GPC5: variants seen among roughly 807,000 people sequenced by gnomAD.
The protein encoded by GPC5 is glypican 5.
In GPC5, 47 loss-of-function variants were observed where a neutral mutation model predicts 53.9. The ratio of observed to expected loss-of-function variants is 0.87; its 90% CI spans 0.69 to 1.11. The LOEUF (loss-of-function observed/expected upper bound fraction) is 1.11, where lower values mean the gene tolerates loss of function less well. GPC5 is among the 50% of genes most tolerant of loss of function. The pLI is 0.00. For missense variants in GPC5, 748 were observed against 713.1 expected (o/e 1.05, Z -0.56); for synonymous variants, 286 against 263.3 (o/e 1.09, Z -0.84).
intron 2 of GPC5, among the ~76,000 whole-genome samples, chr13:91,604,208 T>G (rs2033278426): frequency 6.9e-6 from 1 of 145,682 alleles, no homozygotes; most frequent in African/African-American, 2.6e-5. Context: ...CGGTGTTTGG[T>G]TTTTTGTTCT....
chr13:91,634,762 T>A (rs114972550), intron 2 of GPC5, among the ~76,000 whole-genome samples: 1 of 152,072 alleles, frequency 6.6e-6, no homozygotes, highest in Non-Finnish European at 1.5e-5. Context: ...GCTTAACTAA[T>A]GTTGAAAAGT....
intron 7 of GPC5, among the ~76,000 whole-genome samples, chr13:92,674,324 C>A (rs1250190260): frequency 6.6e-6 from 1 of 152,116 alleles, no homozygotes; most frequent in Non-Finnish European, 1.5e-5. Flanking sequence ...CCCTGGGGCA[C>A]TTGGCAGAGT....
intron 6 of GPC5, among the ~76,000 whole-genome samples, chr13:92,102,806 A>G (rs1364823669): frequency 6.6e-6 from 1 of 152,150 alleles, no homozygotes; most frequent in Non-Finnish European, 1.5e-5. Context: ...CTTTCTTGTA[A>G]AGGATAAAGC....
intron 7 of GPC5, among the ~76,000 whole-genome samples, chr13:92,703,698 G>T (rs1887843441): frequency 6.6e-6 from 1 of 150,434 alleles, no homozygotes; most frequent in Non-Finnish European, 1.5e-5. Flanking sequence ...AAATATTTTA[G>T]ATATATTTTA....
intron 2 of GPC5, among the ~76,000 whole-genome samples, chr13:91,669,631 G>C (rs1028377091): frequency 6.6e-6 from 1 of 152,122 alleles, no homozygotes; most frequent in African/African-American, 2.4e-5. Context: ...TTAGGAAAGA[G>C]GTATATCAAA....
intron 4 of GPC5, among the ~76,000 whole-genome samples, chr13:91,733,093 T>G (rs1457517362): frequency 6.6e-6 from 1 of 152,204 alleles, no homozygotes; most frequent in Admixed American, 6.5e-5. Context: ...TAACATTAAA[T>G]CTGTAAATTA....
intron 7 of GPC5, among the ~76,000 whole-genome samples, chr13:92,206,230 A>G (rs1401790641): frequency 6.8e-6 from 1 of 146,172 alleles, no homozygotes; most frequent in Non-Finnish European, 1.5e-5. Flanking sequence ...TAGTGGCGCA[A>G]TCTCGGCTCA....
chr13:92,626,133 C>A (rs957546118), intron 7 of GPC5, among the ~76,000 whole-genome samples: 2 of 152,066 alleles, frequency 1.3e-5, no homozygotes, highest in African/African-American at 4.8e-5. Flanking sequence ...TCTATACTTA[C>A]AATACTCAGA....
chr13:92,289,475 C>T (rs1318936263), intron 7 of GPC5, among the ~76,000 whole-genome samples: 1 of 151,992 alleles, frequency 6.6e-6, no homozygotes, highest in East Asian at 1.9e-4. Flanking sequence ...TATTTAATAA[C>T]ATTTAATAAC....
chr13:91,522,321 C>G (rs1349952810), intron 2 of GPC5, among the ~76,000 whole-genome samples: 1 of 152,146 alleles, frequency 6.6e-6, no homozygotes, highest in Non-Finnish European at 1.5e-5. Flanking sequence ...GCTTCAATTC[C>G]TTAGCATACA....
chr13:92,045,641 C>T (rs1449808793), intron 6 of GPC5, among the ~76,000 whole-genome samples: 1 of 151,970 alleles, frequency 6.6e-6, no homozygotes, highest in East Asian at 1.9e-4. Flanking sequence ...ACTTAAGATG[C>T]AAATGATTTT....
chr13:92,264,739 C>T (rs1017575794), intron 7 of GPC5, among the ~76,000 whole-genome samples: 3 of 151,546 alleles, frequency 2.0e-5, no homozygotes, highest in South Asian at 4.2e-4. Context: ...GGATTTTTCC[C>T]ATCTTTTGTT....
chr13:91,532,014 G>T (rs184895330), intron 2 of GPC5, among the ~76,000 whole-genome samples: 1 of 152,126 alleles, frequency 6.6e-6, no homozygotes, highest in East Asian at 1.9e-4. Flanking sequence ...TTCAAATCTA[G>T]TCAAGCAGTT....
chr13:92,369,367 G>T (rs2043632224), intron 7 of GPC5, among the ~76,000 whole-genome samples: 5 of 152,044 alleles, frequency 3.3e-5, no homozygotes. Flanking sequence ...TTGTAGAAAT[G>T]AGGTTTTGCC....
intron 7 of GPC5, among the ~76,000 whole-genome samples, chr13:92,502,999 A>G (rs1003944327): frequency 6.6e-6 from 1 of 152,024 alleles, no homozygotes; most frequent in Non-Finnish European, 1.5e-5. Context: ...GTGTTCTACA[A>G]TAATAATCAA....
At chr13:91,639,916 A>G (rs906733103) in intron 2 of GPC5, among the ~76,000 whole-genome samples, 4 of 152,218 alleles carry the variant, frequency 2.6e-5, no homozygotes, top group African/African-American at 4.8e-5. Flanking sequence ...AGTAAAATAC[A>G]AGGCAAGGAA....
chr13:91,557,797 G>A (rs1414720), intron 2 of GPC5, among the ~76,000 whole-genome samples: 39,613 of 151,956 alleles, frequency 0.26, 5,884 homozygotes, highest in African/African-American at 0.42. Flanking sequence ...CAAACATAAT[G>A]TGCAAAGAGG....
At chr13:91,863,042 C>T (rs770294364) in intron 5 of GPC5, among the ~76,000 whole-genome samples, 1 of 148,758 alleles carries the variant, frequency 6.7e-6, no homozygotes, top group African/African-American at 2.5e-5. Flanking sequence ...TTTCTCCTTC[C>T]CTCTCCCCTC....
At chr13:91,629,769 C>T (rs2034108503) in intron 2 of GPC5, among the ~76,000 whole-genome samples, 1 of 152,042 alleles carries the variant, frequency 6.6e-6, no homozygotes, top group Non-Finnish European at 1.5e-5. Flanking sequence ...GCTATGATTA[C>T]TTACTGTTTT....
Sources: allele counts gnomAD v4.1 joint callset (sites outside exome capture counted in the v4.1 genomes callset), GRCh38; gene constraint gnomAD v4.1.1; transcripts MANE v1.5; gene names NCBI Gene and HGNC (gene_info 2026-07-23, HGNC 2026-07-21).